Variants in STXBP6 observed in about 807,000 individuals in gnomAD.
The protein encoded by STXBP6 is syntaxin binding protein 6, also known as syntaxin-binding protein 6.
In STXBP6, 21 loss-of-function variants were observed where a neutral mutation model predicts 26.9. The observed-to-expected ratio is 0.78, with a 90% CI of 0.55 to 1.12. The LOEUF (loss-of-function observed/expected upper bound fraction) is 1.12. Among genes scored for constraint, STXBP6 ranks in the 50% most tolerant of loss-of-function variants. STXBP6 has a pLI of 0.00. For synonymous variants in STXBP6, 97 were observed against 92.6 expected (o/e 1.05, Z -0.27); for missense variants, 232 against 257.9 (o/e 0.90, Z 0.69).
At chr14:24,911,714 T>C (rs1026753020) in intron 2 of STXBP6, among the ~76,000 whole-genome samples, 2 of 152,146 alleles carry the variant, frequency 1.3e-5, no homozygotes, top group African/African-American at 4.8e-5. Flanking sequence ...TCTCAGAGTG[T>C]TCCAAACCTT....
chr14:24,931,941 C>T (rs965178798), intron 2 of STXBP6, among the ~76,000 whole-genome samples: 16 of 152,064 alleles, frequency 1.1e-4, no homozygotes, highest in African/African-American at 3.9e-4. Context: ...AAAAGGAAAG[C>T]TTGGTATTTC....
intron 2 of STXBP6, among the ~76,000 whole-genome samples, chr14:24,858,449 T>C (rs1268246601): frequency 1.3e-5 from 2 of 152,162 alleles, no homozygotes; most frequent in Non-Finnish European, 2.9e-5. Flanking sequence ...AGATTTGTTT[T>C]TAAGTTCAAA....
chr14:24,849,485 T>A (rs1301298057), intron 4 of STXBP6, among the ~76,000 whole-genome samples: 4 of 152,166 alleles, frequency 2.6e-5, no homozygotes, highest in Admixed American at 2.6e-4. Context: ...AGTCACGGTC[T>A]CCATTTAATA....
At chr14:25,039,987 G>A (rs902788967) in intron 1 of STXBP6, among the ~76,000 whole-genome samples, 3 of 152,166 alleles carry the variant, frequency 2.0e-5, no homozygotes, top group African/African-American at 7.2e-5. Context: ...AGGATTACAG[G>A]CTTGAGCCAC....
intron 4 of STXBP6, among the ~76,000 whole-genome samples, chr14:24,837,287 C>T (rs2068647164): frequency 6.6e-6 from 1 of 152,098 alleles, no homozygotes; most frequent in Admixed American, 6.5e-5. Flanking sequence ...AAAGGCCAAC[C>T]AGACAACTAT....
intron 1 of STXBP6, among the ~76,000 whole-genome samples, chr14:25,046,847 C>A (rs1410836924): frequency 6.6e-6 from 1 of 152,158 alleles, no homozygotes. Context: ...ACACAGGACA[C>A]CACACTAATA....
chr14:24,855,331 T>C (rs916549705), intron 4 of STXBP6, among the ~76,000 whole-genome samples: 2 of 152,116 alleles, frequency 1.3e-5, no homozygotes, highest in Admixed American at 1.3e-4. Flanking sequence ...TTTAGCACAG[T>C]ATCAATTCTC....
At chr14:25,015,244 C>T (rs570326203) in intron 1 of STXBP6, among the ~76,000 whole-genome samples, 1 of 152,156 alleles carries the variant, frequency 6.6e-6, no homozygotes, top group Non-Finnish European at 1.5e-5. Context: ...ATTTGAACAA[C>T]CTGGATCAAG....
chr14:24,942,237 G>A (rs2072829020), intron 2 of STXBP6, among the ~76,000 whole-genome samples: 1 of 152,204 alleles, frequency 6.6e-6, no homozygotes, highest in South Asian at 2.1e-4. Context: ...TGGAGGTCTT[G>A]ACATGAAGAA....
At chr14:24,992,186 ATC>A (rs1440287809) in intron 1 of STXBP6, among the ~76,000 whole-genome samples, 1 of 152,182 alleles carries the variant, frequency 6.6e-6, no homozygotes, top group Non-Finnish European at 1.5e-5. Flanking sequence ...GCATAGATCC[ATC>A]TTCCCCATCT....
intron 2 of STXBP6, among the ~76,000 whole-genome samples, chr14:24,936,021 C>G (rs2072583603): frequency 6.6e-6 from 1 of 152,202 alleles, no homozygotes; most frequent in African/African-American, 2.4e-5. Context: ...TCTTCCTTGA[C>G]TTAACAGTAT....
intron 2 of STXBP6, among the ~76,000 whole-genome samples, chr14:24,969,354 A>T (rs1398462271): frequency 6.6e-6 from 1 of 152,346 alleles, no homozygotes. Context: ...TTACACACAC[A>T]TAATTAAAAC....
chr14:24,951,670 A>G (rs1243969505), intron 2 of STXBP6, among the ~76,000 whole-genome samples: 2 of 152,138 alleles, frequency 1.3e-5, no homozygotes, highest in Non-Finnish European at 2.9e-5. Context: ...TTACTGTATA[A>G]TTTTTGGTCA....
chr14:24,992,007 C>T (rs965944204), intron 1 of STXBP6, among the ~76,000 whole-genome samples: 10 of 152,222 alleles, frequency 6.6e-5, no homozygotes, highest in Non-Finnish European at 1.5e-4. Flanking sequence ...TTTTGCTCAA[C>T]ATTCCAACAG....
chr14:25,023,161 C>G (rs758731992), intron 1 of STXBP6, among the ~76,000 whole-genome samples: 8 of 152,100 alleles, frequency 5.3e-5, no homozygotes, highest in Non-Finnish European at 1.0e-4. Flanking sequence ...GCTCTTCTAA[C>G]GTCTTTAATT....
chr14:24,924,251 C>A (rs1275379558), intron 2 of STXBP6, among the ~76,000 whole-genome samples: 2 of 151,984 alleles, frequency 1.3e-5, no homozygotes, highest in Non-Finnish European at 2.9e-5. Context: ...TAAGGGTGGG[C>A]CACTAACACA....
intron 2 of STXBP6, among the ~76,000 whole-genome samples, chr14:24,955,424 C>T (rs779069196): frequency 4.6e-5 from 7 of 152,152 alleles, no homozygotes; most frequent in South Asian, 2.1e-4. Flanking sequence ...GGTGGAAGGG[C>T]GAGGATTAAA....
intron 2 of STXBP6, among the ~76,000 whole-genome samples, chr14:24,905,937 C>T (rs1291995780): frequency 6.6e-6 from 1 of 151,994 alleles, no homozygotes; most frequent in East Asian, 1.9e-4. Flanking sequence ...TCATCTTATC[C>T]ATTGTAATAA....
At chr14:25,016,564 C>T (rs962072819) in intron 1 of STXBP6, among the ~76,000 whole-genome samples, 6 of 152,114 alleles carry the variant, frequency 3.9e-5, no homozygotes, top group Non-Finnish European at 5.9e-5. Flanking sequence ...TGAAAATCCA[C>T]GCCAAAAAGA....
Sources: allele counts gnomAD v4.1 joint callset (sites outside exome capture counted in the v4.1 genomes callset), GRCh38; gene constraint gnomAD v4.1.1; transcripts MANE v1.5; gene names NCBI Gene and HGNC (gene_info 2026-07-23, HGNC 2026-07-21).